The following RERE variants were observed in gnomAD, a reference collection of about 807,000 sequenced individuals.
The protein encoded by RERE is arginine-glutamic acid dipeptide repeats.
RERE carries 40 observed loss-of-function variants against 146.1 expected under a neutral mutation model. That is an observed-to-expected ratio of 0.27 (90% CI 0.21 to 0.36). The LOEUF (loss-of-function observed/expected upper bound fraction) is 0.36, where lower values mean the gene tolerates loss of function less well. Ranked by LOEUF, RERE falls within the 10% of genes least tolerant of loss-of-function variation. The pLI is 1.00. For missense variants in RERE, 1,933 were observed against 2,138.7 expected, an observed-to-expected ratio of 0.90 and a Z score of 1.90; for synonymous variants, 1,003 against 866.0, an observed-to-expected ratio of 1.16 and a Z score of -2.78.
intron 4 of RERE, among the ~76,000 whole-genome samples, chr1:8,566,474 G>T (rs1477943349): frequency 6.6e-6 from 1 of 152,036 alleles, no homozygotes; most frequent in Non-Finnish European, 1.5e-5. Context: ...ACAAAAATTA[G>T]CCGGGTGTGG....
In RERE at chr1:8,423,662, G is replaced by C; in HGVS notation, c.1204-855C>G. ...AGGCCGTCGCCTGTCACTGGGCTCC[G>C]GCTCCACAAAGCGCAGGGCGGAGGC... On this transcript the variant is annotated intron_variant, in intron 11 of 22. Transcript: ENST00000400908. This position sits in a 1 kb window ranked among gnomAD's most constrained non-coding sequence, Gnocchi z 5.4. 1.0e-5 allele frequency: 10 copies of C among 984,456 alleles called. No homozygotes were observed. Among genetic ancestry groups the C allele is most frequent in the Non-Finnish European group, 1.2e-5 (10 of 829,694 alleles). 61.0% of individuals were successfully genotyped at this position (984,456 alleles called of 1,614,324 possible).
chr1:8,552,592 T>C (rs1009847046), intron 6 of RERE, among the ~76,000 whole-genome samples: 7 of 151,836 alleles, frequency 4.6e-5, no homozygotes, highest in Admixed American at 1.3e-4. Flanking sequence ...GAGAAGAAAA[T>C]TGGAAAAAAA....
intron 12 of RERE, among the ~76,000 whole-genome samples, chr1:8,389,184 A>G (rs1642792482): frequency 6.6e-6 from 1 of 152,238 alleles, no homozygotes; most frequent in African/African-American, 2.4e-5. Context: ...GCTTCTAGAT[A>G]AGGCCGAAAA....
At chr1:8,502,260 G>A (rs1645178419) in intron 8 of RERE, among the ~76,000 whole-genome samples, 1 of 116,370 alleles carries the variant, frequency 8.6e-6, no homozygotes, top group Non-Finnish European at 1.8e-5. Context: ...GAGGTGAGGG[G>A]CGCCTCTGCC....
intron 12 of RERE, among the ~76,000 whole-genome samples, chr1:8,397,447 G>C (rs1643094336): frequency 6.7e-6 from 1 of 148,486 alleles, no homozygotes; most frequent in African/African-American, 2.6e-5. Context: ...CAAACCCCCA[G>C]AGAATAAGTG....
At chr1:8,784,353 T>A (rs1641222875) in intron 1 of RERE, among the ~76,000 whole-genome samples, 1 of 152,210 alleles carries the variant, frequency 6.6e-6, no homozygotes, top group Admixed American at 6.5e-5. Flanking sequence ...TCTATTTTTT[T>A]CCACAGCATT....
At chr1:8,570,970 T>C in intron 4 of RERE, among the ~76,000 whole-genome samples, 1 of 152,234 alleles carries the variant, frequency 6.6e-6, no homozygotes, top group Non-Finnish European at 1.5e-5. Flanking sequence ...AAGCTCTCAT[T>C]GTCAAATTTA....
At chr1:8,755,038 G>A (rs1640608596) in intron 1 of RERE, among the ~76,000 whole-genome samples, 1 of 152,218 alleles carries the variant, frequency 6.6e-6, no homozygotes, top group Non-Finnish European at 1.5e-5. Context: ...TTGTCATTCA[G>A]TACAGTCGAT....
chr1:8,638,827 C>T (rs954057347), intron 2 of RERE, among the ~76,000 whole-genome samples: 4 of 129,878 alleles, frequency 3.1e-5, no homozygotes, highest in African/African-American at 1.2e-4. Flanking sequence ...GTCTCGCTGT[C>T]GCCTAGGCTG....
chr1:8,359,778 CCTCGCGCTCCCGCTCTCGCTCCCG>C lies in RERE; in HGVS notation c.3580_3603del (p.Arg1194_Glu1201del). The C allele has an allele frequency of 6.2e-7, 1 of 1,600,888 alleles. No homozygotes were observed. The highest frequency in any genetic ancestry group is 8.5e-7 in the Non-Finnish European group (1 of 1,179,122). On this transcript the variant is annotated inframe_deletion, in exon 19 of 23. Coordinates refer to ENST00000400908, the MANE Select transcript of RERE (RefSeq NM_001042681.2). ...CCTGGACTCACAGCCGCCCGCTCTG[CCTCGCGCTCCCGCTCTCGCTCCCG>C]CTCCCGCTCCTTCTCCTTCTCCTTC...
chr1:8,814,209 T>C (rs1325557554), intron 1 of RERE, among the ~76,000 whole-genome samples: 1 of 152,242 alleles, frequency 6.6e-6, no homozygotes, highest in Non-Finnish European at 1.5e-5. Flanking sequence ...GTCACATTCC[T>C]AGAAGCAGTC....
In RERE at chr1:8,360,138, G is replaced by T. The variant is rs763576031; in HGVS notation, c.3369C>A (p.Thr1123=). The T allele has an allele frequency of 3.5e-5, 56 of 1,589,480 alleles. No individual in the cohort carries two copies. Among genetic ancestry groups the T allele is most frequent in the Non-Finnish European group, 4.6e-5 (54 of 1,166,862 alleles). ...TAGCTGACTGGCTGGCGTGACTGGG[G>T]GTGTCCACCACAGTGGGCTCCGGGG... ...SPSPEPTVVD[T]PSHASQSARF... Residue 1123 remains threonine (T), a synonymous_variant, in exon 18 of 23, where the codon ACC becomes ACA. Coordinates refer to ENST00000400908, the MANE Select transcript of RERE (RefSeq NM_001042681.2).
chr1:8,521,307 A>G (rs1570385025), intron 7 of RERE, among the ~76,000 whole-genome samples: 1 of 152,170 alleles, frequency 6.6e-6, no homozygotes, highest in East Asian at 1.9e-4. Context: ...AATTCCTAAA[A>G]CAATCCCTAG....
chr1:8,511,458 G>C (rs1027524130), intron 7 of RERE, among the ~76,000 whole-genome samples: 2 of 152,160 alleles, frequency 1.3e-5, no homozygotes, highest in African/African-American at 4.8e-5. Flanking sequence ...AGTTCTTTTT[G>C]AGCAGGTAGG....
chr1:8,669,024 CTGTGTGTG>C (rs59647434), intron 1 of RERE, among the ~76,000 whole-genome samples: 3,940 of 43,576 alleles, frequency 0.09, 192 homozygotes, highest in African/African-American at 0.13. Context: ...GCACTCAACT[CTGTGTGTG>C]TGTGTGTGTG....
At chr1:8,487,703 A>G (rs898328667) in intron 10 of RERE, among the ~76,000 whole-genome samples, 1 of 152,220 alleles carries the variant, frequency 6.6e-6, no homozygotes, top group African/African-American at 2.4e-5. Flanking sequence ...AGGAAGTGCA[A>G]TAAAGCACAA....
At chr1:8,370,012 G>A (rs536082219) in intron 12 of RERE, among the ~76,000 whole-genome samples, 3 of 151,824 alleles carry the variant, frequency 2.0e-5, no homozygotes, top group Admixed American at 6.6e-5. Context: ...GGATGGTCTC[G>A]ATCTCCTGAC....
chr1:8,790,646 C>T (rs993842818), intron 1 of RERE, among the ~76,000 whole-genome samples: 1 of 152,216 alleles, frequency 6.6e-6, no homozygotes, highest in Admixed American at 6.5e-5. Flanking sequence ...TGTAGTAGCA[C>T]GATCTCAGAT....
chr1:8,357,831 G>C (rs1184376776), intron 20 of RERE, among the ~76,000 whole-genome samples: 1 of 152,216 alleles, frequency 6.6e-6, no homozygotes, highest in African/African-American at 2.4e-5. Flanking sequence ...CCCTTGAGTA[G>C]CCCAGTGCCT....
Sources: gnomAD v4.1 joint callset for allele counts (sites outside exome capture counted in the v4.1 genomes callset) on GRCh38, gnomAD v4.1.1 for gene constraint, Gnocchi (gnomAD v3.1) non-coding constraint, MANE v1.5 for transcripts, NCBI Gene and HGNC (gene_info 2026-07-23, HGNC 2026-07-21) for gene names.